TEX11: variants seen among roughly 807,000 people sequenced by gnomAD.
The protein encoded by TEX11 is testis-expressed protein 11.
A neutral mutation model predicts 84.4 loss-of-function variants in TEX11; 7 were observed. The ratio of observed to expected loss-of-function variants is 0.08; its 90% confidence interval spans 0.05 to 0.16. TEX11 has a LOEUF of 0.16. Among genes scored for constraint, TEX11 ranks in the 10% least tolerant of loss-of-function variants. TEX11 has a pLI of 1.00. For missense variants in TEX11, 551 were observed against 660.5 expected (o/e 0.83, Z 1.82); for synonymous variants, 264 against 222.8 (o/e 1.18, Z -1.64).
intron 5 of TEX11, chrX:70,857,536 C>A: frequency 4.0e-6 from 1 of 252,690 alleles, no homozygotes. Flanking sequence ...TAAGTATCAG[C>A]AGGAAATATC....
At chrX:70,524,288 T>C (rs531914980), downstream of TEX11, among the ~76,000 whole-genome samples, 57 of 112,485 alleles carry the variant, frequency 5.1e-4, 1 homozygote, top group South Asian at 0.018. Flanking sequence ...GTCCAGTCCA[T>C]TAGCAGGAAG....
intron 10 of TEX11, among the ~76,000 whole-genome samples, chrX:70,742,319 TATA>T (rs2090738463): frequency 9.2e-6 from 1 of 109,020 alleles, no homozygotes; most frequent in Non-Finnish European, 1.9e-5. Flanking sequence ...CTCACTGTTA[TATA>T]ATAAGTGACA....
chrX:70,740,118 T>G lies in TEX11; in HGVS notation c.843+583A>C, dbSNP rs1028136497. Among the ~76,000 whole-genome samples the G allele has an allele frequency of 2.7e-5, 3 of 112,099 alleles. No individual in the cohort carries two copies. The Admixed American group carries it at 2.9e-4, about 11-fold the overall frequency. On this transcript the variant is annotated intron_variant, in intron 11 of 29. Transcript: ENST00000374333. ...TTTCTGTTTCACAGAAAAGAAAATT[T>G]TCTCAAAAATCTCTGGTGTTCAAAG...
chrX:70,803,980 C>CA (rs983091879), intron 9 of TEX11, among the ~76,000 whole-genome samples: 5 of 106,566 alleles, frequency 4.7e-5, no homozygotes, highest in Non-Finnish European at 9.8e-5. Flanking sequence ...TCCGCCTCTA[C>CA]AAAAAAACAA....
downstream of TEX11, chrX:70,528,869 G>A (rs2087848907): frequency 7.5e-6 from 3 of 399,389 alleles, no homozygotes; most frequent in East Asian, 1.2e-4. Flanking sequence ...CTCTCACATG[G>A]TCTATTTCAA....
chrX:70,794,533 C>T, intron 9 of TEX11, among the ~76,000 whole-genome samples: 1 of 109,524 alleles, frequency 9.1e-6, no homozygotes. Flanking sequence ...CAAGCCCAGG[C>T]AGCACAGGTT....
At chrX:70,658,190 G>A (rs1165235079) in intron 16 of TEX11, among the ~76,000 whole-genome samples, 5 of 111,569 alleles carry the variant, frequency 4.5e-5, no homozygotes, top group South Asian at 3.8e-4. Context: ...TGAGAAGGGC[G>A]GATCACCTGA....
chrX:70,535,730 G>A (rs766064856), intron 28 of TEX11, among the ~76,000 whole-genome samples: 50 of 109,773 alleles, frequency 4.6e-4, no homozygotes, highest in Non-Finnish European at 7.0e-4. Flanking sequence ...CCTGGGTGAC[G>A]GAGTGAAACT....
intron 28 of TEX11, among the ~76,000 whole-genome samples, chrX:70,544,877 A>C (rs1206042345): frequency 2.8e-5 from 3 of 108,845 alleles, no homozygotes; most frequent in African/African-American, 1.0e-4. Context: ...AACAAACAAA[A>C]AAACCCAAAA....
chrX:70,870,708 G>A (rs754994731), intron 4 of TEX11, among the ~76,000 whole-genome samples: 9 of 111,601 alleles, frequency 8.1e-5, no homozygotes, highest in Admixed American at 7.7e-4. Flanking sequence ...CTTTGAAGCT[G>A]GTAGATTCAG....
At chrX:70,896,238 C>T (rs2091765589) in intron 2 of TEX11, among the ~76,000 whole-genome samples, 1 of 112,365 alleles carries the variant, frequency 8.9e-6, no homozygotes, top group African/African-American at 3.2e-5. Flanking sequence ...CAAAAGAAGA[C>T]ATTTATGCGG....
chrX:70,851,506 A>G lies in TEX11; in HGVS notation c.525+1528T>C, dbSNP rs777164846. ...ACTATAAAACCTTTAGATGTAGAGA[A>G]GGTGGAGCCCTCATATACTACTGGG... On this transcript the variant is annotated intron_variant, in intron 7 of 29. Transcript: ENST00000374333. Among the ~76,000 whole-genome samples, 4 of 111,647 alleles carry G rather than the reference A, an allele frequency of 3.6e-5. No individual in the cohort carries two copies. In the South Asian group the frequency reaches 1.5e-3, roughly 42 times the overall value.
chrX:70,811,433 C>T (rs1237440413), intron 8 of TEX11, among the ~76,000 whole-genome samples: 2 of 111,868 alleles, frequency 1.8e-5, no homozygotes, highest in Non-Finnish European at 3.8e-5. Flanking sequence ...CACTGATGGA[C>T]ATTTGGGTTG....
At chrX:70,687,997 G>A (rs1260592865) in intron 13 of TEX11, among the ~76,000 whole-genome samples, 2 of 111,235 alleles carry the variant, frequency 1.8e-5, no homozygotes, top group African/African-American at 6.5e-5. Flanking sequence ...CCTCAGCGAC[G>A]TGTAAGACAA....
chrX:70,785,226 A>G (rs981963009), intron 9 of TEX11, among the ~76,000 whole-genome samples: 4 of 112,300 alleles, frequency 3.6e-5, no homozygotes, highest in Non-Finnish European at 5.6e-5. Context: ...AGAAATGGGA[A>G]AGGATTCCCT....
At chrX:70,823,686 C>T in intron 8 of TEX11, among the ~76,000 whole-genome samples, 1 of 111,388 alleles carries the variant, frequency 9.0e-6, no homozygotes, top group Admixed American at 9.6e-5. Context: ...CTCTTAATGG[C>T]CAAATGTAGA....
downstream of TEX11, among the ~76,000 whole-genome samples, chrX:70,525,356 C>T (rs766677109): frequency 5.4e-5 from 6 of 111,344 alleles, no homozygotes; most frequent in African/African-American, 2.0e-4. Context: ...GAGGCAGAGG[C>T]GGGCAGATCA....
chrX:70,730,950 A>T (rs749776616), intron 11 of TEX11, among the ~76,000 whole-genome samples: 22 of 111,262 alleles, frequency 2.0e-4, no homozygotes, highest in South Asian at 1.9e-3. Flanking sequence ...TATAACAAAC[A>T]GTCTCTCAGA....
chrX:70,869,096 A>ATAAAGTAAAG (rs2091616626), intron 4 of TEX11, among the ~76,000 whole-genome samples: 2 of 104,612 alleles, frequency 1.9e-5, no homozygotes, highest in African/African-American at 7.1e-5. Flanking sequence ...ATAAAATAAA[A>ATAAAGTAAAG]TAAAATAAAA....
Sources: allele counts gnomAD v4.1 joint callset (sites outside exome capture counted in the v4.1 genomes callset), GRCh38; gene constraint gnomAD v4.1.1; transcripts MANE v1.5; gene names NCBI Gene and HGNC (gene_info 2026-07-23, HGNC 2026-07-21).